The following LEPR variants were observed in gnomAD, a reference collection of about 807,000 sequenced individuals.
LEPR encodes the protein leptin receptor.
A neutral mutation model predicts 114.7 loss-of-function variants in LEPR; 56 were observed. The ratio of observed to expected loss-of-function variants is 0.49; its 90% CI spans 0.39 to 0.61. The LOEUF (loss-of-function observed/expected upper bound fraction) is 0.61, where lower values mean the gene tolerates loss of function less well. LEPR is among the 20% of genes least tolerant of loss of function. The pLI is 0.00. For missense variants in LEPR, 1,202 were observed against 1,352.9 expected, an observed-to-expected ratio of 0.89 and a Z score of 1.75; for synonymous variants, 443 against 461.4, an observed-to-expected ratio of 0.96 and a Z score of 0.51.
chr1:65,624,636 G>A (rs1484237423), intron 19 of LEPR, among the ~76,000 whole-genome samples: 1 of 152,128 alleles, frequency 6.6e-6, no homozygotes, highest in Admixed American at 6.5e-5. Flanking sequence ...TGAAAGATAC[G>A]CAAAGCAGCT....
rs777718046 is a variant in LEPR at position 65,633,972 on chromosome 1, TCTAATTTACTTCCA to T, written c.2674-2216_2674-2203del. 450 of 985,360 alleles carry T rather than the reference TCTAATTTACTTCCA, an allele frequency of 4.6e-4. 2 individuals carry two copies. Among genetic ancestry groups the T allele is most frequent in the Non-Finnish European group, 5.1e-4 (423 of 829,918 alleles). 61.0% of individuals were successfully genotyped at this position (985,360 alleles called of 1,614,324 possible). Reference sequence around the variant, plus strand: ...CTTTCTTGTTTAATTATGACCTAAATCTAATTTACTTCCACTGAACCATCCAAGACCTCTGGCAG... The same window carrying T: ...CTTTCTTGTTTAATTATGACCTAAATCTGAACCATCCAAGACCTCTGGCAG... On this transcript the variant is annotated intron_variant, in intron 19 of 19. Transcript: ENST00000349533. This position sits in a 1 kb window ranked among gnomAD's most constrained non-coding sequence, Gnocchi z 4.1.
chr1:65,461,101 G>A (rs1028122597), intron 2 of LEPR, among the ~76,000 whole-genome samples: 3 of 150,752 alleles, frequency 2.0e-5, no homozygotes, highest in African/African-American at 4.9e-5. Flanking sequence ...TCAGCCTCCC[G>A]AGTAAGTGGG....
intron 2 of LEPR, among the ~76,000 whole-genome samples, chr1:65,441,425 C>CTATCAATAAA: frequency 6.6e-6 from 1 of 152,294 alleles, no homozygotes; most frequent in East Asian, 1.9e-4. Context: ...TAGGTTTAAG[C>CTATCAATAAA]TATCAATAAA....
intron 2 of LEPR, among the ~76,000 whole-genome samples, chr1:65,474,875 C>T (rs983919421): frequency 4.6e-5 from 7 of 151,486 alleles, no homozygotes; most frequent in Admixed American, 6.6e-5. Context: ...GGCGTAGTGG[C>T]GTGCACCTGT....
chr1:65,569,172 G>A (rs942539068), intron 3 of LEPR, among the ~76,000 whole-genome samples: 1 of 151,908 alleles, frequency 6.6e-6, no homozygotes, highest in East Asian at 1.9e-4. Context: ...ATATTTAATT[G>A]TCTGGATGTA....
At chr1:65,468,397 T>G (rs77605029) in intron 2 of LEPR, among the ~76,000 whole-genome samples, 3,493 of 152,352 alleles carry the variant, frequency 0.023, 79 homozygotes, top group South Asian at 0.09. Context: ...ACTGGGTATG[T>G]GGTATAGTTA....
At chr1:65,624,935 C>T (rs771055447) in intron 19 of LEPR, among the ~76,000 whole-genome samples, 9 of 152,290 alleles carry the variant, frequency 5.9e-5, no homozygotes, top group Admixed American at 2.0e-4. Flanking sequence ...AGAAACTTCG[C>T]TTTGCCTGAG....
intron 3 of LEPR, among the ~76,000 whole-genome samples, chr1:65,567,578 G>A (rs769121877): frequency 2.0e-5 from 3 of 151,990 alleles, no homozygotes; most frequent in Non-Finnish European, 4.4e-5. Context: ...CTCAATTTTT[G>A]CATCTATACC....
At chr1:65,454,983 T>C (rs1393663162) in intron 2 of LEPR, among the ~76,000 whole-genome samples, 2 of 152,174 alleles carry the variant, frequency 1.3e-5, no homozygotes, top group African/African-American at 4.8e-5. Flanking sequence ...TGCTCGTTTC[T>C]TTTTATTCTT....
intron 2 of LEPR, among the ~76,000 whole-genome samples, chr1:65,427,537 C>T (rs1432396507): frequency 6.6e-6 from 1 of 151,912 alleles, no homozygotes; most frequent in East Asian, 1.9e-4. Context: ...CCAGCCTGGG[C>T]GACAGAGTGA....
intron 2 of LEPR, chr1:65,432,242 A>T: frequency 2.0e-6 from 2 of 1,012,748 alleles, no homozygotes; most frequent in Non-Finnish European, 2.4e-6. Flanking sequence ...TTGCTTGGGG[A>T]TGTGCTTGGA....
intron 2 of LEPR, chr1:65,525,746 G>C: frequency 1.0e-6 from 1 of 986,054 alleles, no homozygotes; most frequent in African/African-American, 1.7e-5. Context: ...AGCCGAGCGC[G>C]CGCGACGCAG....
At chr1:65,544,039 C>T (rs1651448023) in intron 2 of LEPR, among the ~76,000 whole-genome samples, 1 of 151,998 alleles carries the variant, frequency 6.6e-6, no homozygotes, top group Admixed American at 6.5e-5. Context: ...AGCACTGAAT[C>T]TATAAATTAC....
chr1:65,551,685 T>C (rs1652376607), intron 2 of LEPR, among the ~76,000 whole-genome samples: 1 of 152,074 alleles, frequency 6.6e-6, no homozygotes, highest in African/African-American at 2.4e-5. Flanking sequence ...TTTTGAAGGG[T>C]TTTTCGTGTC....
chr1:65,520,806 T>C (rs1032662261), intron 2 of LEPR, among the ~76,000 whole-genome samples: 2 of 152,212 alleles, frequency 1.3e-5, no homozygotes, highest in Admixed American at 6.5e-5. Flanking sequence ...ATAAAGGGAT[T>C]GGCTGAAGTA....
At chr1:65,527,828 A>C (rs1650077138) in intron 2 of LEPR, among the ~76,000 whole-genome samples, 1 of 152,218 alleles carries the variant, frequency 6.6e-6, no homozygotes, top group African/African-American at 2.4e-5. Flanking sequence ...GTTGAAACAG[A>C]TGCTCAGAGA....
chr1:65,565,510 T>G (rs929046480), intron 2 of LEPR, 36 bp from the exon 3 acceptor site: 2 of 1,607,348 alleles, frequency 1.2e-6, no homozygotes, highest in East Asian at 4.5e-5. Context: ...GTTTTTGTTT[T>G]TGTGTGTGTT....
At chr1:65,515,428 A>AT (rs1649238327) in intron 2 of LEPR, among the ~76,000 whole-genome samples, 1 of 152,172 alleles carries the variant, frequency 6.6e-6, no homozygotes, top group South Asian at 2.1e-4. Context: ...TGACAAAACC[A>AT]TTTTTTGTGT....
At chr1:65,429,814 T>C in intron 2 of LEPR, 1 of 1,353,258 alleles carries the variant, frequency 7.4e-7, no homozygotes, top group African/African-American at 1.5e-5. Context: ...TCATTTAAAA[T>C]GTAACTGTTA....
Sources: allele counts gnomAD v4.1 joint callset (sites outside exome capture counted in the v4.1 genomes callset), GRCh38; gene constraint gnomAD v4.1.1; non-coding constraint Gnocchi (gnomAD v3.1); transcripts MANE v1.5; gene names NCBI Gene and HGNC (gene_info 2026-07-23, HGNC 2026-07-21).